Variants in CYFIP1 observed in about 807,000 individuals in gnomAD.
CYFIP1 encodes cytoplasmic FMR1-interacting protein 1.
Under a neutral mutation model 163.5 loss-of-function variants are expected in CYFIP1, and 58 were observed. The ratio of observed to expected loss-of-function variants is 0.35; its 90% confidence interval spans 0.29 to 0.44. The LOEUF is 0.44. CYFIP1 is among the 20% of genes least tolerant of loss of function. CYFIP1 has a pLI of 1.00. For synonymous variants in CYFIP1, 663 were observed against 660.7 expected (o/e 1.00, Z -0.05); for missense variants, 1,338 against 1,653.8 (o/e 0.81, Z 3.31).
At chr15:22,966,985 C>CA (rs1013752235) in intron 1 of CYFIP1, among the ~76,000 whole-genome samples, 31 of 151,200 alleles carry the variant, frequency 2.1e-4, no homozygotes, top group East Asian at 1.9e-4. Context: ...CCGCAGTTCC[C>CA]AAAATCACCT....
In CYFIP1 at chr15:22,971,259, C is replaced by T. The variant is rs571301457; in HGVS notation, c.-7+9028G>A. On this transcript the variant is annotated intron_variant, in intron 1 of 30. Coordinates refer to ENST00000617928, the MANE Select transcript of CYFIP1 (RefSeq NM_014608.6). ...CACTGGCAACAACAGAATTAATAGA[C>T]CAGGTGCTGTTGCTCACATCTGTAA... Among the ~76,000 whole-genome samples, 16 of 152,272 alleles carry T rather than the reference C, an allele frequency of 1.1e-4. 1 individual carries two copies. The highest frequency in any genetic ancestry group is 3.9e-4 in the African/African-American group (16 of 41,556).
At chr15:22,969,159 T>C (rs1291508261) in intron 1 of CYFIP1, among the ~76,000 whole-genome samples, 1 of 151,898 alleles carries the variant, frequency 6.6e-6, no homozygotes. Flanking sequence ...GTGATGCAAA[T>C]GTGAATGTGA....
intron 1 of CYFIP1, among the ~76,000 whole-genome samples, chr15:22,958,206 C>T (rs182042360): frequency 1.0e-3 from 155 of 152,080 alleles, no homozygotes; most frequent in African/African-American, 3.6e-3. Flanking sequence ...CTGCCTCAGC[C>T]TCTCAAGTAG....
chr15:22,933,428 C>T (rs1390020080), intron 10 of CYFIP1, among the ~76,000 whole-genome samples: 1 of 151,858 alleles, frequency 6.6e-6, no homozygotes, highest in South Asian at 2.1e-4. Context: ...CATTCTCCTA[C>T]CTCAGCCTCC....
At chr15:22,911,036 G>A (rs1852236491) in intron 18 of CYFIP1, among the ~76,000 whole-genome samples, 1 of 152,006 alleles carries the variant, frequency 6.6e-6, no homozygotes, top group Admixed American at 6.6e-5. Flanking sequence ...TGAGTAGCTG[G>A]GATTATAGGT....
intron 17 of CYFIP1, among the ~76,000 whole-genome samples, chr15:22,912,905 A>AGT (rs1481485655): frequency 1.3e-5 from 2 of 152,144 alleles, no homozygotes; most frequent in East Asian, 3.9e-4. Flanking sequence ...TGTGTGACAG[A>AGT]GTGAGACCCT....
Position 22,932,260 on chromosome 15 carries a change from C to CGCATGTG in CYFIP1, c.1066_1072dup (p.Arg358ProfsTer78). ...GTAGCGCGCCAGCTCCGAAATGAAG[C>CGCATGTG]GCATGTGGTCCTCGCGGATCTGGAT... On this transcript the variant is annotated frameshift_variant, in exon 11 of 31. Transcript: ENST00000617928. LOFTEE classifies it high-confidence loss of function. 1.2e-6 allele frequency: 2 copies of CGCATGTG among 1,612,970 alleles called. No individual in the cohort carries two copies. The highest frequency in any genetic ancestry group is 1.7e-6 in the Non-Finnish European group (2 of 1,179,512).
chr15:22,914,854 C>A lies in CYFIP1; in HGVS notation c.1857G>T (p.Ser619=). 1 of 1,613,384 alleles carries A rather than the reference C, an allele frequency of 6.2e-7. No individual in the cohort carries two copies. The highest frequency in any genetic ancestry group is 1.1e-5 in the South Asian group (1 of 91,014). Residue 619 remains serine, a synonymous_variant, in exon 17 of 31, where the codon TCG becomes TCT. Coordinates refer to ENST00000617928, the MANE Select transcript of CYFIP1 (RefSeq NM_014608.6). ...SETLQQCCDL[S]QLWFREFFLE... ...GGAAGAACTCTCGGAACCACAGCTG[C>A]GAAAGGTCACAGCACTGCTGCAGCG... is the stretch of plus-strand genomic sequence containing the variant.
At position 22,875,280 on chromosome 15, in the gene CYFIP1, GAGAA is replaced by G. The variant is rs765557487; in HGVS notation, c.3043-13_3043-10del. On this transcript the variant is annotated splice_polypyrimidine_tract_variant and intron_variant, in intron 26 of 30. Transcript: ENST00000617928. ...CACACTTCTTCTAAAGACTAGAGCA[GAGAA>G]AGAGAGGGTCAAGCTAGGAAGGGTA... is the stretch of plus-strand genomic sequence containing the variant. The G allele has an allele frequency of 1.2e-6, 2 of 1,613,500 alleles. No homozygotes were observed. The highest frequency in any genetic ancestry group is 2.2e-5 in the East Asian group (1 of 44,868).
chr15:22,927,781 T>C (rs1284083483), intron 12 of CYFIP1, 125 bp downstream of exon 12: 4 of 932,330 alleles, frequency 4.3e-6, no homozygotes, highest in Admixed American at 3.9e-5. Flanking sequence ...CTTGGAAACA[T>C]ATCTACTGAT....
intron 21 of CYFIP1, among the ~76,000 whole-genome samples, chr15:22,907,585 G>A (rs1281833204): frequency 6.6e-6 from 1 of 152,178 alleles, no homozygotes; most frequent in African/African-American, 2.4e-5. Flanking sequence ...AATGCACACT[G>A]TAAACCCTCC....
intron 1 of CYFIP1, among the ~76,000 whole-genome samples, chr15:22,948,561 C>T (rs1188887932): frequency 6.6e-6 from 1 of 152,174 alleles, no homozygotes; most frequent in Admixed American, 6.5e-5. Context: ...GCCCAGATTA[C>T]TCAGCACACA....
chr15:22,944,300 C>A (rs2061986377), intron 5 of CYFIP1, among the ~76,000 whole-genome samples: 1 of 145,790 alleles, frequency 6.9e-6, no homozygotes, highest in African/African-American at 2.5e-5. Context: ...GTACTTGAAA[C>A]TGACAGAAAG....
intron 1 of CYFIP1, 72 bp from the exon 2 acceptor site, chr15:22,947,363 T>A: frequency 6.4e-7 from 1 of 1,573,992 alleles, no homozygotes; most frequent in Non-Finnish European, 8.6e-7. Context: ...CGAGGTTGGG[T>A]ACCCAGGCCT....
chr15:22,947,637 C>T (rs1030581501), intron 1 of CYFIP1, among the ~76,000 whole-genome samples: 4 of 152,108 alleles, frequency 2.6e-5, no homozygotes, highest in East Asian at 1.9e-4. Context: ...GAGGGTCTGA[C>T]GACCCCCTCA....
chr15:22,931,169 A>G (rs1319576130), intron 11 of CYFIP1, among the ~76,000 whole-genome samples: 3 of 152,182 alleles, frequency 2.0e-5, no homozygotes, highest in East Asian at 3.8e-4. Flanking sequence ...TGTCCCCGCT[A>G]AGGTTAATGG....
rs532924465 is a variant in CYFIP1, at chr15:22,957,429, G to T, written c.-6-10138C>A. The stretch of plus-strand genomic sequence containing the variant: ...AGGCAGGTGGATCACGAGGTCAGGA[G>T]ATCAAGACCATCCTAGCTAACACGG... On this transcript the variant is annotated intron_variant, in intron 1 of 30. Coordinates refer to ENST00000617928, the MANE Select transcript of CYFIP1 (RefSeq NM_014608.6). Among the ~76,000 whole-genome samples, 16 of 152,282 alleles carry T rather than the reference G, an allele frequency of 1.1e-4. No individual in the cohort carries two copies. The East Asian group carries it at 1.5e-3, about 15-fold the overall frequency.
chr15:22,867,325 T>C lies in CYFIP1; in HGVS notation c.*2703A>G, dbSNP rs1035323065. The C allele has an allele frequency of 2.5e-6, 1 of 397,556 alleles. No homozygotes were observed. The allele number at this position is 397,556 out of a possible 1,614,324, so 24.6% of individuals were successfully genotyped here. A position where few individuals can be genotyped will look rare whatever the true frequency, so the allele number is the denominator to read the frequency against. Reference sequence around the variant, plus strand: ...CTGTTTGTTTGATGATGATTGGTTTTATTTTTGAAATATTTATTAAGGGAA... The same window carrying C: ...CTGTTTGTTTGATGATGATTGGTTTCATTTTTGAAATATTTATTAAGGGAA... On this transcript the variant is annotated 3_prime_UTR_variant, in exon 31 of 31. Transcript: ENST00000617928.
At chr15:22,960,283 A>G (rs977534422) in intron 1 of CYFIP1, among the ~76,000 whole-genome samples, 9 of 152,168 alleles carry the variant, frequency 5.9e-5, no homozygotes, top group Non-Finnish European at 1.3e-4. Flanking sequence ...CAACCTCACC[A>G]GCTTCCTCCA....
Sources: gnomAD v4.1 joint callset for allele counts (sites outside exome capture counted in the v4.1 genomes callset) on GRCh38, gnomAD v4.1.1 for gene constraint, MANE v1.5 for transcripts, NCBI Gene and HGNC (gene_info 2026-07-23, HGNC 2026-07-21) for gene names.